Variants in USP6 observed in about 807,000 individuals in gnomAD.
USP6 encodes the protein ubiquitin carboxyl-terminal hydrolase 6.
USP6 carries 128 observed loss-of-function variants against 175.7 expected under a neutral mutation model. The ratio of observed to expected loss-of-function variants is 0.73; its 90% confidence interval spans 0.63 to 0.84. The LOEUF (loss-of-function observed/expected upper bound fraction) is 0.84, where lower values mean the gene tolerates loss of function less well. Among genes scored for constraint, USP6 ranks in the 40% least tolerant of loss-of-function variants. The pLI is 0.00. For missense variants in USP6, 1,498 were observed against 1,760.3 expected (o/e 0.85, Z 2.67); for synonymous variants, 562 against 630.6 (o/e 0.89, Z 1.63).
chr17:5,164,724 G>A (rs1171318966), intron 33 of USP6, among the ~76,000 whole-genome samples: 1 of 152,202 alleles, frequency 6.6e-6, no homozygotes, highest in Non-Finnish European at 1.5e-5. Context: ...CCTAATCGGG[G>A]CTCCACTACA....
chr17:5,128,574 T>G (rs546114586), intron 7 of USP6: 50 of 152,452 alleles, frequency 3.3e-4, no homozygotes, highest in African/African-American at 1.2e-3. Flanking sequence ...GGTGCACACA[T>G]GAGTGGGGCA....
intron 7 of USP6, among the ~76,000 whole-genome samples, chr17:5,128,192 C>T (rs2072950479): frequency 6.6e-6 from 1 of 152,174 alleles, no homozygotes; most frequent in Non-Finnish European, 1.5e-5. Context: ...AATTTGGCAT[C>T]CCCTAGGCCC....
chr17:5,165,932 T>C lies in USP6; in HGVS notation c.3037-2000T>C, dbSNP rs542205252. Among the ~76,000 whole-genome samples, 32 of 152,380 alleles carry C rather than the reference T, an allele frequency of 2.1e-4. No individual in the cohort carries two copies. In the South Asian group the frequency reaches 6.2e-3, roughly 30 times the overall value. ...TCTTCCTCTAGCACTGTAGCCTGTG[T>C]TCCCCAGAAAATATGGTCAATAAAA... On this transcript the variant is annotated intron_variant, in intron 33 of 37. Coordinates refer to ENST00000574788, the MANE Select transcript of USP6 (RefSeq NM_001304284.2).
intron 17 of USP6, among the ~76,000 whole-genome samples, chr17:5,136,391 T>C (rs2073255411): frequency 6.6e-6 from 1 of 152,226 alleles, no homozygotes; most frequent in Admixed American, 6.5e-5. Flanking sequence ...GCCGCTCTGT[T>C]GTGGCCTCAA....
In USP6 at chr17:5,139,506, G is replaced by C. The variant is rs755130601; in HGVS notation, c.1330G>C (p.Gly444Arg). Residue 444 changes from glycine (G) to arginine (R), a missense_variant, in exon 22 of 38, where the codon GGT becomes CGT. This residue lies in a region of USP6 where 1,217 missense variants were observed against 1,500.8 expected (regional missense o/e 0.81). Transcript: ENST00000574788. ...SLALAQGGPQ[G>R]SWRFLEWKSM... The stretch of plus-strand genomic sequence containing the variant: ...GGCCCTGGCTCAGGGAGGACCTCAG[G>C]GTTCCTGGAGATTCCTGGAGTGGAA... The C allele has an allele frequency of 7.4e-6, 12 of 1,613,656 alleles. No individual in the cohort carries two copies. Among genetic ancestry groups the C allele is most frequent in the Non-Finnish European group, 9.3e-6 (11 of 1,180,008 alleles).
In USP6 at chr17:5,155,559, A is replaced by G. The variant is rs781303398; in HGVS notation, c.2781A>G (p.Leu927=). The part of the protein sequence containing the change: ...YDAVWIQVSW[L]ARPLPPQEAS... ...CGGTTTGGATTCAAGTATCCTGGTTAGCAAGACCACTCCCACCTCAGGAAG... is the reference window on the plus strand; with the variant it reads ...CGGTTTGGATTCAAGTATCCTGGTTGGCAAGACCACTCCCACCTCAGGAAG... Residue 927 remains leucine (L), a synonymous_variant, in exon 31 of 38, where the codon TTA becomes TTG. Transcript: ENST00000574788. 1 of 1,614,082 alleles carries G rather than the reference A, an allele frequency of 6.2e-7. No homozygotes were observed. The highest frequency in any genetic ancestry group is 8.5e-7 in the Non-Finnish European group (1 of 1,179,988).
intron 4 of USP6, among the ~76,000 whole-genome samples, chr17:5,122,520 T>A (rs1221132111): frequency 6.6e-6 from 1 of 152,208 alleles, no homozygotes; most frequent in Non-Finnish European, 1.5e-5. Flanking sequence ...GGCGGTCCTC[T>A]TAGTTCCTTG....
In USP6 at chr17:5,170,728, TG is replaced by T. The variant is rs765144878; in HGVS notation, c.3769del (p.Val1257SerfsTer8). 2 of 1,613,964 alleles carry T rather than the reference TG, an allele frequency of 1.2e-6. No homozygotes were observed. Among genetic ancestry groups the T allele is most frequent in the South Asian group, 2.2e-5 (2 of 91,080 alleles). Reference sequence around the variant, plus strand: ...ATGCGGGGGGGCAGCCAACCAGAGCTGGTCACTCCTCAGGACCATGAGGTAG... The same window carrying T: ...ATGCGGGGGGGCAGCCAACCAGAGCTGTCACTCCTCAGGACCATGAGGTAG... The part of the protein sequence containing the change: ...GHMRGGSQPE[L>X]VTPQDHEVAL... On this transcript the variant is annotated frameshift_variant, in exon 36 of 38. Transcript: ENST00000574788. LOFTEE classifies it high-confidence loss of function.
intron 31 of USP6, among the ~76,000 whole-genome samples, chr17:5,159,082 G>A (rs2073954065): frequency 6.6e-6 from 1 of 152,106 alleles, no homozygotes; most frequent in Non-Finnish European, 1.5e-5. Context: ...AGATTAAATG[G>A]ACAAAATCCT....
At chr17:5,135,210 T>C (rs201040778) in intron 15 of USP6, 24 bp from the exon 16 acceptor site, 3 of 1,611,180 alleles carry the variant, frequency 1.9e-6, no homozygotes, top group East Asian at 2.2e-5. Context: ...AACCAAACCA[T>C]AGCCCCCTTT....
At chr17:5,160,029 CG>C (rs1421981561) in intron 31 of USP6, among the ~76,000 whole-genome samples, 2 of 151,448 alleles carry the variant, frequency 1.3e-5, no homozygotes, top group African/African-American at 4.9e-5. Context: ...AGCCAGGCTT[CG>C]TTCAGTTAGA....
At chr17:5,163,880 G>A (rs539583593) in intron 33 of USP6, among the ~76,000 whole-genome samples, 51 of 152,272 alleles carry the variant, frequency 3.3e-4, no homozygotes, top group Admixed American at 2.0e-3. Context: ...CTCAATGGCC[G>A]CTCTTCACAC....
At position 5,135,255 on chromosome 17, in the gene USP6, C is replaced by T; in HGVS notation, c.516C>T (p.Ile172=). 3 of 1,613,020 alleles carry T rather than the reference C, an allele frequency of 1.9e-6. No individual in the cohort carries two copies. The highest frequency in any genetic ancestry group is 4.5e-5 in the East Asian group (2 of 44,856). The part of the protein sequence containing the change: ...YGAKQRELFY[I]LLAYSEYNPE... ...CTAGGCAGAGGGAACTATTCTACATCCTCCTGGCCTATTCGGAGTATAACC... is the reference window on the plus strand; with the variant it reads ...CTAGGCAGAGGGAACTATTCTACATTCTCCTGGCCTATTCGGAGTATAACC... The change falls in exon 16 of 38, where the codon ATC becomes ATT. Residue 172 remains isoleucine, a synonymous_variant. Transcript: ENST00000574788.
intron 14 of USP6, 37 bp downstream of exon 14, chr17:5,133,587 G>T (rs566945273): frequency 4.5e-6 from 7 of 1,566,102 alleles, no homozygotes; most frequent in Non-Finnish European, 6.1e-6. Flanking sequence ...AGGACAGGCC[G>T]TGTCAGGGGC....
chr17:5,122,317 G>A (rs1209294674), intron 4 of USP6, among the ~76,000 whole-genome samples: 1 of 152,152 alleles, frequency 6.6e-6, no homozygotes, highest in African/African-American at 2.4e-5. Context: ...TGGTTCCGAT[G>A]ACTGTGTGAG....
chr17:5,173,217 G>A lies in USP6; in HGVS notation c.*239G>A. On this transcript the variant is annotated 3_prime_UTR_variant, in exon 38 of 38. Transcript: ENST00000574788. ...CCCACCATTAGCCTGTAAACAAAAG[G>A]TGTGGCACCAGCCACCTGGGACCAA... The A allele has an allele frequency of 2.0e-6, 1 of 495,378 alleles. No individual in the cohort carries two copies. Among genetic ancestry groups the A allele is most frequent in the Non-Finnish European group, 3.5e-6 (1 of 287,376 alleles). 30.7% of individuals were successfully genotyped at this position (495,378 alleles called of 1,614,324 possible).
rs1345210337 is a variant in USP6 at position 5,170,817 on chromosome 17, A to C, written c.3856A>C (p.Ser1286Arg). The C allele has an allele frequency of 6.2e-6, 10 of 1,613,508 alleles. No homozygotes were observed. In the South Asian group the frequency reaches 1.1e-4, roughly 18 times the overall value. The change falls in exon 36 of 38, where the codon AGC becomes CGC. Residue 1286 changes from serine to arginine, a missense_variant. Around this residue, in one of 2 missense-constraint regions of USP6, gnomAD observed 1,217 missense variants for 1,500.8 expected, o/e 0.81. Transcript: ENST00000574788. The stretch of plus-strand genomic sequence containing the variant: ...TGGCAATGGCTGTGGCGATGGCTAC[A>C]GCAATGGTCAGCTTGGAAACCACAG... ...ACGNGCGDGY[S>R]NGQLGNHSEE...
intron 6 of USP6, among the ~76,000 whole-genome samples, chr17:5,127,218 C>T (rs1025345048): frequency 2.0e-4 from 30 of 151,996 alleles, no homozygotes; most frequent in Admixed American, 1.7e-3. Flanking sequence ...CTAAGGGCAA[C>T]CACTGGGCTC....
At chr17:5,136,453 C>G (rs1346295289) in intron 17 of USP6, among the ~76,000 whole-genome samples, 187 bp from the exon 18 acceptor site, 1 of 152,224 alleles carries the variant, frequency 6.6e-6, no homozygotes, top group Admixed American at 6.5e-5. Context: ...AGGGGAACCT[C>G]CAGCCAGGCT....
Sources: gnomAD v4.1 joint callset for allele counts (sites outside exome capture counted in the v4.1 genomes callset) on GRCh38, gnomAD v4.1.1 for gene constraint, gnomAD v4.1.1 regional missense constraint, MANE v1.5 for transcripts, NCBI Gene and HGNC (gene_info 2026-07-23, HGNC 2026-07-21) for gene names.